Variants in LRP4 observed in about 807,000 individuals in gnomAD.
LRP4 encodes LDL receptor related protein 4.
In LRP4, 95 loss-of-function variants were observed where a neutral mutation model predicts 220.3. The observed-to-expected ratio is 0.43, with a 90% CI of 0.37 to 0.51. The LOEUF is 0.51. Among genes scored for constraint, LRP4 ranks in the 20% least tolerant of loss-of-function variants. The pLI, the probability that LRP4 is intolerant of heterozygous loss-of-function variation, is 0.00. For synonymous variants in LRP4, 903 were observed against 954.6 expected (o/e 0.95, Z 1.00); for missense variants, 1,925 against 2,567.0 (o/e 0.75, Z 5.40).
intron 1 of LRP4, among the ~76,000 whole-genome samples, chr11:46,916,060 T>C (rs59613483): frequency 0.072 from 11,000 of 152,188 alleles, 463 homozygotes; most frequent in Non-Finnish European, 0.097. Flanking sequence ...GTGATGTGTA[T>C]ACCTTCACCC....
At chr11:46,911,216 T>C (rs997540054) in intron 1 of LRP4, among the ~76,000 whole-genome samples, 3 of 152,190 alleles carry the variant, frequency 2.0e-5, no homozygotes, top group Admixed American at 6.5e-5. Flanking sequence ...ATTATCTTCA[T>C]CTGGATATGT....
At position 46,875,171 on chromosome 11, in the gene LRP4, G is replaced by A. The variant is rs1396657395; in HGVS notation, c.3926-68C>T. On this transcript the variant is annotated intron_variant, in intron 27 of 37. Transcript: ENST00000378623. The surrounding 1 kb of genome is among the most constrained non-coding windows in gnomAD (Gnocchi z 4.5). ...TCATCTGAATCTTACAAAGGTCCCA[G>A]TTGTTTGTGGCTGGCTCTTTGCTGT... 6.6e-7 allele frequency: 1 copy of A among 1,510,794 alleles called. No homozygotes were observed. The highest frequency in any genetic ancestry group is 1.4e-5 in the African/African-American group (1 of 73,172). The allele number at this position is 1,510,794 out of a possible 1,614,324, so 93.6% of individuals were successfully genotyped here. A position where few individuals can be genotyped will look rare whatever the true frequency, so the allele number is the denominator to read the frequency against.
chr11:46,867,762 T>C (rs1045079690), intron 34 of LRP4, among the ~76,000 whole-genome samples: 3 of 152,152 alleles, frequency 2.0e-5, no homozygotes, highest in Non-Finnish European at 4.4e-5. Context: ...CACCCAGCCT[T>C]AAAGTTGTTC....
Position 46,890,168 on chromosome 11 carries a change from C to A in LRP4, c.1916-48G>T, listed in dbSNP as rs766921535. ...TCAGTCTGGACGTGGTCTGCCATGT[C>A]CCCTGGGCCCAGGCCTGGCAACTAC... On this transcript the variant is annotated intron_variant, in intron 14 of 37. Coordinates refer to ENST00000378623, the MANE Select transcript of LRP4 (RefSeq NM_002334.4). This position sits in a 1 kb window ranked among gnomAD's most constrained non-coding sequence, Gnocchi z 5.3. 1.2e-5 allele frequency: 19 copies of A among 1,609,198 alleles called. No homozygotes were observed. The South Asian group carries it at 1.8e-4, about 15-fold the overall frequency.
At chr11:46,879,627 G>C (rs1941104009) in intron 20 of LRP4, among the ~76,000 whole-genome samples, 1 of 152,154 alleles carries the variant, frequency 6.6e-6, no homozygotes, top group African/African-American at 2.4e-5. Flanking sequence ...CTTTACAGTG[G>C]ACACTACCTT....
chr11:46,905,688 C>T (rs1592551166), intron 1 of LRP4, among the ~76,000 whole-genome samples: 1 of 151,940 alleles, frequency 6.6e-6, no homozygotes, highest in South Asian at 2.1e-4. Flanking sequence ...CCCGTCTCTA[C>T]TAAAAATACA....
At chr11:46,864,678 A>T in intron 35 of LRP4, 143 bp from the exon 36 acceptor site, 1 of 693,288 alleles carries the variant, frequency 1.4e-6, no homozygotes, top group Non-Finnish European at 2.6e-6. Context: ...TCCTTTTCAG[A>T]TAGGTAAATG....
At chr11:46,889,646 C>T in intron 15 of LRP4, 113 bp from the exon 16 acceptor site, 1 of 1,461,402 alleles carries the variant, frequency 6.8e-7, no homozygotes, top group Non-Finnish European at 9.4e-7. Context: ...GAAACTATGT[C>T]TTATATTTTT....
chr11:46,859,372 A>G (rs896247902), intron 37 of LRP4, 57 bp from the exon 38 acceptor site: 16 of 1,314,798 alleles, frequency 1.2e-5, no homozygotes, highest in Non-Finnish European at 1.8e-5. Context: ...AAAGGATCCC[A>G]TGGTAAACTG....
chr11:46,887,310 C>A (rs1941317432), intron 16 of LRP4, among the ~76,000 whole-genome samples: 1 of 152,188 alleles, frequency 6.6e-6, no homozygotes, highest in Non-Finnish European at 1.5e-5. Flanking sequence ...CTTCCTAGGG[C>A]TGGGAAATCC....
Position 46,918,488 on chromosome 11 carries a change from C to T in LRP4, c.-109G>A, listed in dbSNP as rs1270419835. 4 of 741,442 alleles carry T rather than the reference C, an allele frequency of 5.4e-6. No individual in the cohort carries two copies. Among genetic ancestry groups the T allele is most frequent in the Non-Finnish European group, 5.3e-6 (3 of 566,660 alleles). 45.9% of individuals were successfully genotyped at this position (741,442 alleles called of 1,614,324 possible). Reference sequence around the variant, plus strand: ...GGGAAGCGTCCCGGGTGCACGGCGGCCTGCGCGCCCCGCAAGTCGCCCTCG... The same window carrying T: ...GGGAAGCGTCCCGGGTGCACGGCGGTCTGCGCGCCCCGCAAGTCGCCCTCG... On this transcript the variant is annotated 5_prime_UTR_variant, in exon 1 of 38. Coordinates refer to ENST00000378623, the MANE Select transcript of LRP4 (RefSeq NM_002334.4). The surrounding 1 kb of genome is among the most constrained non-coding windows in gnomAD (Gnocchi z 6.0).
Position 46,886,617 on chromosome 11 carries a change from C to T in LRP4, c.2216-84G>A, listed in dbSNP as rs1941298648. 2.6e-6 allele frequency: 3 copies of T among 1,150,038 alleles called. No homozygotes were observed. The South Asian group carries it at 3.9e-5, about 15-fold the overall frequency. 71.2% of individuals were successfully genotyped at this position (1,150,038 alleles called of 1,614,324 possible). A position where few individuals can be genotyped will look rare whatever the true frequency, so the allele number is the denominator to read the frequency against. On this transcript the variant is annotated intron_variant, in intron 16 of 37. Transcript: ENST00000378623. ...ACACAGACGCTCACCTGCGTGACAT[C>T]TGGTTCAATCACACTTCCTGGGATC...
At chr11:46,887,246 A>T (rs1565791234) in intron 16 of LRP4, among the ~76,000 whole-genome samples, 1 of 152,186 alleles carries the variant, frequency 6.6e-6, no homozygotes, top group Non-Finnish European at 1.5e-5. Context: ...ATACTTTCTC[A>T]GTAGACTTTT....
chr11:46,868,936 C>T, intron 32 of LRP4, 52 bp downstream of exon 32: 1 of 1,612,900 alleles, frequency 6.2e-7, no homozygotes. Flanking sequence ...CTTGGGTTGA[C>T]CGACCAATCC....
At position 46,886,314 on chromosome 11, in the gene LRP4, C is replaced by G; in HGVS notation, c.2424+11G>C. On this transcript the variant is annotated intron_variant, in intron 17 of 37. Coordinates refer to ENST00000378623, the MANE Select transcript of LRP4 (RefSeq NM_002334.4). ...GATTCCACCCTTCAACCTCCCCACGCTGGGCCCTACCTCCTGTCCTGTTCC... is the reference window on the plus strand; with the variant it reads ...GATTCCACCCTTCAACCTCCCCACGGTGGGCCCTACCTCCTGTCCTGTTCC... 3 of 1,585,632 alleles carry G rather than the reference C, an allele frequency of 1.9e-6. No individual in the cohort carries two copies. Among genetic ancestry groups the G allele is most frequent in the Non-Finnish European group, 2.6e-6 (3 of 1,164,774 alleles).
intron 1 of LRP4, among the ~76,000 whole-genome samples, chr11:46,911,608 A>AAAAAAAAAAAAAAAAAAAAAAAAAAAG (rs60596634): frequency 7.1e-6 from 1 of 140,020 alleles, no homozygotes. Flanking sequence ...AAATAAATAA[A>AAAAAAAAAAAAAAAAAAAAAAAAAAAG]TAAATAAAAA....
chr11:46,876,917 C>T, intron 23 of LRP4, 87 bp from the exon 24 acceptor site: 1 of 1,089,004 alleles, frequency 9.2e-7, no homozygotes, highest in South Asian at 1.2e-5. Context: ...AACACCAGAG[C>T]ATGTCAGAGA....
intron 12 of LRP4, among the ~76,000 whole-genome samples, chr11:46,894,379 T>C (rs966617735): frequency 2.6e-5 from 4 of 152,228 alleles, no homozygotes; most frequent in Admixed American, 1.3e-4. Flanking sequence ...TTCTCACTGA[T>C]TGAGCTCAAT....
Position 46,858,869 on chromosome 11 carries a change from G to A in LRP4, c.*114C>T. 2.1e-6 allele frequency: 2 copies of A among 970,658 alleles called. No homozygotes were observed. Among genetic ancestry groups the A allele is most frequent in the East Asian group, 2.4e-5 (1 of 41,666 alleles). The allele number at this position is 970,658 out of a possible 1,614,324, so 60.1% of individuals were successfully genotyped here. A position where few individuals can be genotyped will look rare whatever the true frequency, so the allele number is the denominator to read the frequency against. ...GAAGGCTTAGGAACAGTTATGGGGT[G>A]GGAGGAGGAGGAGGACAAGCACACA... is the stretch of plus-strand genomic sequence containing the variant. On this transcript the variant is annotated 3_prime_UTR_variant, in exon 38 of 38. Coordinates refer to ENST00000378623, the MANE Select transcript of LRP4 (RefSeq NM_002334.4).
Sources: allele counts gnomAD v4.1 joint callset (sites outside exome capture counted in the v4.1 genomes callset), GRCh38; gene constraint gnomAD v4.1.1; non-coding constraint Gnocchi (gnomAD v3.1); transcripts MANE v1.5; gene names NCBI Gene and HGNC (gene_info 2026-07-23, HGNC 2026-07-21).